Variants in NEB observed in about 807,000 individuals in gnomAD.
The protein encoded by NEB is nemaline myopathy type 2.
Under a neutral mutation model 952.2 loss-of-function variants are expected in NEB, and 512 were observed. The ratio of observed to expected loss-of-function variants is 0.54; its 90% CI spans 0.50 to 0.58. NEB has a LOEUF of 0.58. Among genes scored for constraint, NEB ranks in the 20% least tolerant of loss-of-function variants. The probability of loss-of-function intolerance (pLI) is 0.00; values close to 1 mark genes in which losing one functional copy is unlikely to be tolerated. For synonymous variants in NEB, 2,900 were observed against 3,149.8 expected (o/e 0.92, Z 2.66); for missense variants, 8,428 against 9,231.1 (o/e 0.91, Z 3.56).
chr2:151,649,289 A>G (rs953570799), intron 54 of NEB, among the ~76,000 whole-genome samples: 2 of 152,208 alleles, frequency 1.3e-5, no homozygotes, highest in African/African-American at 4.8e-5. Flanking sequence ...GTGAGGGGTT[A>G]GTTAGGAAAA....
intron 124 of NEB, among the ~76,000 whole-genome samples, chr2:151,555,960 T>C (rs1439087651): frequency 2.0e-5 from 3 of 152,138 alleles, no homozygotes; most frequent in Admixed American, 6.6e-5. Context: ...TTCTCTATGT[T>C]TTACCTTGCT....
At chr2:151,620,343 GTGTGTATATATATATATATATATATA>G (rs1237155333) in intron 72 of NEB, among the ~76,000 whole-genome samples, 10 of 48,898 alleles carry the variant, frequency 2.0e-4, no homozygotes, top group African/African-American at 6.0e-4. Context: ...ATATGTATGT[GTGTGTATATATATATATATATATATA>G]TATATATATA....
At chr2:151,610,440 G>T in intron 80 of NEB, 76 bp downstream of exon 80, 2 of 1,067,182 alleles carry the variant, frequency 1.9e-6, no homozygotes, top group Non-Finnish European at 2.9e-6. Flanking sequence ...TCACTATAGA[G>T]TGTGTGGTTC....
intron 36 of NEB, among the ~76,000 whole-genome samples, chr2:151,672,931 T>A (rs967404846): frequency 6.6e-6 from 1 of 152,240 alleles, no homozygotes; most frequent in Admixed American, 6.5e-5. Context: ...TGGAACTTTA[T>A]TTTAAACAAA....
At chr2:151,500,593 CTTTTTT>C (rs11428843) in intron 168 of NEB, among the ~76,000 whole-genome samples, 15 of 118,458 alleles carry the variant, frequency 1.3e-4, no homozygotes, top group Non-Finnish European at 2.0e-4. Context: ...TTCTTTCTTC[CTTTTTT>C]TTTTTTTTTT....
Position 151,546,000 on chromosome 2 carries a change from T to TA in NEB, c.20467-3_20467-2insT, listed in dbSNP as rs2094614119. On this transcript the variant is annotated splice_polypyrimidine_tract_variant and splice_region_variant and intron_variant, in intron 134 of 181. Coordinates refer to ENST00000397345, the MANE Select transcript of NEB (RefSeq NM_001164508.2). ...CTTATCAGTGTATAGGTAATTAGAC[T>TA]TAAAAAAAAAAAAAAAAACAGAAAT... 4.0e-6 allele frequency: 4 copies of TA among 1,011,358 alleles called. No homozygotes were observed. Among genetic ancestry groups the TA allele is most frequent in the Admixed American group, 3.2e-5 (1 of 31,436 alleles). The allele number at this position is 1,011,358 out of a possible 1,614,324, so 62.6% of individuals were successfully genotyped here.
intron 35 of NEB, 143 bp from the exon 36 acceptor site, chr2:151,674,727 A>T: frequency 1.6e-6 from 1 of 643,870 alleles, no homozygotes; most frequent in Non-Finnish European, 2.8e-6. Flanking sequence ...AAAGTGTCAC[A>T]CTGTGTGTAG....
rs760986367 is a variant in NEB, at chr2:151,697,608, C to T, written c.1193G>A (p.Ser398Asn). The change falls in exon 14 of 182, where the codon AGC (serine) becomes AAC (asparagine). Residue 398 changes from serine to asparagine, a missense_variant. Around this residue, in one of 11 missense-constraint regions of NEB, gnomAD observed 2,851 missense variants for 2,791.5 expected, o/e 1.02. Coordinates refer to ENST00000397345, the MANE Select transcript of NEB (RefSeq NM_001164508.2). ...KENYEKTKAK[S>N]INYCETPKFK... ...TTTGGGGGTCTCGCAGTAATTTATG[C>T]TCTTTGCTTTTGTCTTTTCATAGTT... The T allele has an allele frequency of 3.1e-6, 5 of 1,612,184 alleles. No homozygotes were observed. The African/African-American group carries it at 4.0e-5, about 13-fold the overall frequency.
intron 109 of NEB, 45 bp downstream of exon 109, chr2:151,570,036 T>C (rs757681190): frequency 2.8e-5 from 44 of 1,547,642 alleles, no homozygotes; most frequent in Non-Finnish European, 3.8e-5. Flanking sequence ...CTGGAAGTCA[T>C]GGCAAACTGA....
intron 162 of NEB, 93 bp downstream of exon 162, chr2:151,507,912 A>G: frequency 1.2e-6 from 1 of 845,858 alleles, no homozygotes; most frequent in Non-Finnish European, 2.0e-6. Context: ...GGGCTGCACA[A>G]CAGCCCCACT....
chr2:151,492,754 G>A, intron 176 of NEB: 1 of 286,086 alleles, frequency 3.5e-6, no homozygotes, highest in Non-Finnish European at 6.5e-6. Flanking sequence ...TGAAAAGAGA[G>A]TGACCTCTTG....
In NEB at chr2:151,518,995, A is replaced by G. The variant is rs1002497843; in HGVS notation, c.22665T>C (p.His7555=). 1.2e-6 allele frequency: 2 copies of G among 1,613,576 alleles called. No homozygotes were observed. Among genetic ancestry groups the G allele is most frequent in the Non-Finnish European group, 1.7e-6 (2 of 1,179,562 alleles). ...TGGCAAGTTGGCTTGTATTCAGGAC[A>G]TGATTCATGATCAGAGACTCCTTCA... is the stretch of plus-strand genomic sequence containing the variant. ...TDMKESLIMN[H]VLNTSQLASS... The change falls in exon 155 of 182, where the codon CAT becomes CAC. Residue 7555 remains histidine, a synonymous_variant. Coordinates refer to ENST00000397345, the MANE Select transcript of NEB (RefSeq NM_001164508.2).
intron 13 of NEB, among the ~76,000 whole-genome samples, 185 bp from the exon 14 acceptor site, chr2:151,697,833 G>C (rs1040343847): frequency 6.6e-6 from 1 of 152,156 alleles, no homozygotes; most frequent in African/African-American, 2.4e-5. Context: ...TTAGGAGGCC[G>C]AGGCGGGCGG....
chr2:151,638,310 T>A (rs2098799936), intron 63 of NEB, among the ~76,000 whole-genome samples: 1 of 152,214 alleles, frequency 6.6e-6, no homozygotes, highest in African/African-American at 2.4e-5. Context: ...TTAAGTGTAT[T>A]CTACATCAGT....
intron 52 of NEB, 82 bp from the exon 53 acceptor site, chr2:151,650,967 CT>C (rs975196879): frequency 1.3e-4 from 176 of 1,348,402 alleles, no homozygotes; most frequent in South Asian, 2.4e-4. Context: ...TTCTTTCTTT[CT>C]TTTTTTTGAG....
intron 130 of NEB, 127 bp from the exon 131 acceptor site, chr2:151,548,542 A>C: frequency 1.6e-6 from 1 of 643,640 alleles, no homozygotes; most frequent in South Asian, 2.0e-5. Context: ...AAGTATGTAG[A>C]AAAGTCATTG....
At chr2:151,630,635 C>T in intron 67 of NEB, 80 bp downstream of exon 67, 1 of 1,129,270 alleles carries the variant, frequency 8.9e-7, no homozygotes, top group Admixed American at 2.0e-5. Context: ...TGCACCATGA[C>T]AGCTGAGGCC....
At chr2:151,698,064 TCAAAA>T (rs56333529) in intron 13 of NEB, among the ~76,000 whole-genome samples, 108,647 of 150,550 alleles carry the variant, frequency 0.72, 41,160 homozygotes, top group Non-Finnish European at 0.83. Flanking sequence ...AGACTCCGTC[TCAAAA>T]CAAAACAAAA....
At chr2:151,536,645 T>C (rs2093256908) in intron 141 of NEB, among the ~76,000 whole-genome samples, 1 of 152,214 alleles carries the variant, frequency 6.6e-6, no homozygotes, top group South Asian at 2.1e-4. Context: ...TAACATCTTC[T>C]TAGATGTTTT....
Sources: gnomAD v4.1 joint callset for allele counts (sites outside exome capture counted in the v4.1 genomes callset) on GRCh38, gnomAD v4.1.1 for gene constraint, gnomAD v4.1.1 regional missense constraint, MANE v1.5 for transcripts, NCBI Gene and HGNC (gene_info 2026-07-23, HGNC 2026-07-21) for gene names.